Variants in AAGAB observed in about 807,000 individuals in gnomAD.
The protein encoded by AAGAB is alpha and gamma adaptin binding protein.
In AAGAB, 38 loss-of-function variants were observed where a neutral mutation model predicts 44.1. The observed-to-expected ratio is 0.86, with a 90% confidence interval of 0.67 to 1.13. The LOEUF (loss-of-function observed/expected upper bound fraction) is 1.13. Ranked by LOEUF, AAGAB falls within the 50% of genes most tolerant of loss-of-function variation. The pLI is 0.00. For missense variants in AAGAB, 450 were observed against 373.8 expected, an observed-to-expected ratio of 1.20 and a Z score of -1.68; for synonymous variants, 131 against 131.8, an observed-to-expected ratio of 0.99 and a Z score of 0.04.
Position 67,254,440 on chromosome 15 carries a change from CTG to C in AAGAB, c.73+117_73+118del, listed in dbSNP as rs1004059512. On this transcript the variant is annotated intron_variant, in intron 1 of 9. Transcript: ENST00000261880. ...TGGGGAGACTGGGCGCCTCCACTGA[CTG>C]GAGGAAGAACGCAGGGCCCGCTGCG... is the stretch of plus-strand genomic sequence containing the variant. 23 of 1,457,078 alleles carry C rather than the reference CTG, an allele frequency of 1.6e-5. No homozygotes were observed. In the African/African-American group the frequency reaches 3.3e-4, roughly 21 times the overall value. The allele number at this position is 1,457,078 out of a possible 1,614,324, so 90.3% of individuals were successfully genotyped here.
intron 4 of AAGAB, among the ~76,000 whole-genome samples, chr15:67,233,517 A>C (rs1964392146): frequency 6.6e-6 from 1 of 152,174 alleles, no homozygotes; most frequent in South Asian, 2.1e-4. Context: ...TAAAAAAGGA[A>C]AGTTTCCCGA....
intron 5 of AAGAB, among the ~76,000 whole-genome samples, chr15:67,222,221 TGCACGC>T (rs536775216): frequency 2.2e-4 from 26 of 116,304 alleles, no homozygotes; most frequent in Admixed American, 6.0e-4. Flanking sequence ...ACTACATGCA[TGCACGC>T]GCACGCGCGC....
chr15:67,243,782 C>T (rs1964659285), intron 1 of AAGAB, among the ~76,000 whole-genome samples: 1 of 152,172 alleles, frequency 6.6e-6, no homozygotes, highest in South Asian at 2.1e-4. Context: ...TCATTACAGT[C>T]AGGCATCACA....
intron 1 of AAGAB, chr15:67,254,182 G>A (rs769058241): frequency 7.3e-5 from 15 of 206,460 alleles, no homozygotes; most frequent in Non-Finnish European, 1.2e-4. Context: ...CTCTCCCGGA[G>A]CAGCAAGGAT....
chr15:67,222,242 G>GCGCGCGCGCGCGCGCACACACACACACA (rs1367738219), intron 5 of AAGAB, among the ~76,000 whole-genome samples: 1 of 90,044 alleles, frequency 1.1e-5, no homozygotes, highest in African/African-American at 3.8e-5. Context: ...GCGCGCGCGC[G>GCGCGCGCGCGCGCGCACACACACACACA]CACACACACA....
At chr15:67,222,137 C>T (rs751885478) in intron 5 of AAGAB, among the ~76,000 whole-genome samples, 7 of 152,018 alleles carry the variant, frequency 4.6e-5, no homozygotes, top group Non-Finnish European at 1.0e-4. Context: ...TATAATTAAT[C>T]TCTTATATAT....
intron 5 of AAGAB, chr15:67,221,000 G>C (rs905256222): frequency 6.6e-6 from 1 of 152,162 alleles, no homozygotes; most frequent in Non-Finnish European, 1.5e-5. Context: ...TAGCAATCTG[G>C]AATTTGGGAA....
At chr15:67,215,231 C>G (rs115169974) in intron 5 of AAGAB, among the ~76,000 whole-genome samples, 2 of 152,146 alleles carry the variant, frequency 1.3e-5, no homozygotes, top group Non-Finnish European at 2.9e-5. Context: ...CAGACATGGA[C>G]AATCGCTAAT....
intron 5 of AAGAB, among the ~76,000 whole-genome samples, chr15:67,211,525 T>C (rs1284279511): frequency 1.3e-5 from 2 of 152,246 alleles, no homozygotes; most frequent in African/African-American, 4.8e-5. Flanking sequence ...CAATGTGTTA[T>C]TGATTTTAAA....
At chr15:67,250,746 G>A (rs1220828510) in intron 1 of AAGAB, among the ~76,000 whole-genome samples, 1 of 152,104 alleles carries the variant, frequency 6.6e-6, no homozygotes, top group Non-Finnish European at 1.5e-5. Context: ...CTACCCTGTC[G>A]CCGGGTGCGG....
At chr15:67,254,528 T>C (rs563647824) in intron 1 of AAGAB, 31 bp downstream of exon 1, 44 of 1,582,858 alleles carry the variant, frequency 2.8e-5, no homozygotes, top group Non-Finnish European at 3.8e-5. Flanking sequence ...TCAGGGGCCT[T>C]GGAGGTCGGC....
chr15:67,208,982 G>A (rs1312954097), intron 6 of AAGAB, among the ~76,000 whole-genome samples: 1 of 152,156 alleles, frequency 6.6e-6, no homozygotes, highest in East Asian at 1.9e-4. Flanking sequence ...TAGCTCAGAG[G>A]CTGTTGAAAA....
intron 7 of AAGAB, among the ~76,000 whole-genome samples, chr15:67,204,353 G>A (rs527489058): frequency 1.3e-5 from 2 of 152,140 alleles, no homozygotes; most frequent in African/African-American, 2.4e-5. Context: ...TCACAACATC[G>A]TCATGAGGTA....
chr15:67,207,140 G>A (rs956713622), intron 7 of AAGAB, among the ~76,000 whole-genome samples: 11 of 152,192 alleles, frequency 7.2e-5, no homozygotes, highest in African/African-American at 2.4e-4. Flanking sequence ...GGTGAGCCGA[G>A]ATCGTGCCAC....
At chr15:67,252,270 T>G (rs1270821287) in intron 1 of AAGAB, among the ~76,000 whole-genome samples, 1 of 152,218 alleles carries the variant, frequency 6.6e-6, no homozygotes, top group African/African-American at 2.4e-5. Flanking sequence ...TTAATATTCC[T>G]GAGATTGTCT....
rs115352753 is a variant in AAGAB, at chr15:67,205,945, C to A, written c.716-1797G>T. On this transcript the variant is annotated intron_variant, in intron 7 of 9. Transcript: ENST00000261880. ...AGAGTTTCTATATGCTCTTCACCCA[C>A]TTTCCCCTAGTGTTAACATCGTTTA... Among the ~76,000 whole-genome samples, 784 of 152,288 alleles carry A rather than the reference C, an allele frequency of 5.1e-3. 6 individuals carry two copies. The highest frequency in any genetic ancestry group is 0.018 in the African/African-American group (739 of 41,562).
At chr15:67,239,527 C>T (rs1475204600) in intron 1 of AAGAB, among the ~76,000 whole-genome samples, 1 of 152,150 alleles carries the variant, frequency 6.6e-6, no homozygotes. Context: ...GTTTCAGTAG[C>T]TAGTGGGCTT....
chr15:67,248,519 G>A (rs911986638), intron 1 of AAGAB, among the ~76,000 whole-genome samples: 1 of 152,184 alleles, frequency 6.6e-6, no homozygotes, highest in Admixed American at 6.5e-5. Flanking sequence ...AGAAGCTACA[G>A]AAAAACACAC....
chr15:67,224,737 C>T (rs576287909), intron 5 of AAGAB, among the ~76,000 whole-genome samples: 144 of 152,078 alleles, frequency 9.5e-4, no homozygotes, highest in Middle Eastern at 3.4e-3. Flanking sequence ...TGCACCACCA[C>T]GCCTAGCTAA....
Sources: allele counts gnomAD v4.1 joint callset (sites outside exome capture counted in the v4.1 genomes callset), GRCh38; gene constraint gnomAD v4.1.1; transcripts MANE v1.5; gene names NCBI Gene and HGNC (gene_info 2026-07-23, HGNC 2026-07-21).